Variants in GPC5 observed in about 807,000 individuals in gnomAD.
The protein encoded by GPC5 is glypican-5.
A neutral mutation model predicts 53.9 loss-of-function variants in GPC5; 47 were observed. The ratio of observed to expected loss-of-function variants is 0.87; its 90% CI spans 0.69 to 1.11. The LOEUF is 1.11. GPC5 is among the 50% of genes most tolerant of loss of function. GPC5 has a pLI of 0.00. For synonymous variants in GPC5, 286 were observed against 263.3 expected (o/e 1.09, Z -0.84); for missense variants, 748 against 713.1 (o/e 1.05, Z -0.56).
intron 1 of GPC5, among the ~76,000 whole-genome samples, chr13:91,427,107 G>A (rs1879109935): frequency 1.3e-5 from 2 of 152,206 alleles, no homozygotes; most frequent in South Asian, 4.1e-4. Context: ...AGCCCTCGTG[G>A]AGAACCTCTG....
intron 7 of GPC5, among the ~76,000 whole-genome samples, chr13:92,328,623 C>G (rs1035376794): frequency 1.3e-5 from 2 of 152,024 alleles, no homozygotes; most frequent in African/African-American, 4.8e-5. Flanking sequence ...TAAAGTAACC[C>G]CGACTAGGAG....
chr13:92,754,511 T>C (rs1464772376), intron 7 of GPC5, among the ~76,000 whole-genome samples: 2 of 151,372 alleles, frequency 1.3e-5, no homozygotes, highest in Non-Finnish European at 2.9e-5. Context: ...GACTAAATGC[T>C]CCAATTAAAA....
chr13:92,656,783 T>C (rs916867501), intron 7 of GPC5, among the ~76,000 whole-genome samples: 4 of 152,152 alleles, frequency 2.6e-5, no homozygotes, highest in Non-Finnish European at 4.4e-5. Flanking sequence ...GTGAACCCCA[T>C]TTCTACAAAA....
intron 7 of GPC5, among the ~76,000 whole-genome samples, chr13:92,820,104 A>G (rs894341584): frequency 7.9e-5 from 12 of 152,042 alleles, no homozygotes; most frequent in Non-Finnish European, 1.5e-4. Flanking sequence ...ACCCAATTTC[A>G]ATTTTGAGAG....
chr13:91,512,501 C>T (rs1359693092), intron 2 of GPC5, among the ~76,000 whole-genome samples: 1 of 152,234 alleles, frequency 6.6e-6, no homozygotes, highest in Non-Finnish European at 1.5e-5. Context: ...CTCAGCTATT[C>T]TGCCCTGCTC....
intron 6 of GPC5, among the ~76,000 whole-genome samples, chr13:91,943,118 A>G (rs539874142): frequency 6.6e-6 from 1 of 152,218 alleles, no homozygotes; most frequent in South Asian, 2.1e-4. Context: ...ACATGTTGTA[A>G]TATTGAACTC....
intron 5 of GPC5, among the ~76,000 whole-genome samples, chr13:91,811,245 A>AAT (rs1181584924): frequency 6.6e-6 from 1 of 152,086 alleles, no homozygotes; most frequent in Non-Finnish European, 1.5e-5. Flanking sequence ...GACATCTGAT[A>AAT]TATTAAGACT....
chr13:92,527,199 A>AG (rs1881356526), intron 7 of GPC5, among the ~76,000 whole-genome samples: 1 of 26,490 alleles, frequency 3.8e-5, no homozygotes, highest in African/African-American at 2.7e-4. Flanking sequence ...GAAAGAAAGA[A>AG]AGAAAGAAAG....
At chr13:92,798,192 C>G (rs1876770116) in intron 7 of GPC5, among the ~76,000 whole-genome samples, 1 of 151,798 alleles carries the variant, frequency 6.6e-6, no homozygotes. Context: ...CCGAAGCATA[C>G]TGGTTGTTTT....
chr13:92,556,916 A>T (rs752453553), intron 7 of GPC5, among the ~76,000 whole-genome samples: 38 of 152,068 alleles, frequency 2.5e-4, no homozygotes, highest in Admixed American at 3.9e-4. Flanking sequence ...TTTAAAAAGT[A>T]TTCCCCTATA....
chr13:91,414,544 G>A (rs975345369), intron 1 of GPC5, among the ~76,000 whole-genome samples: 1 of 152,178 alleles, frequency 6.6e-6, no homozygotes, highest in Non-Finnish European at 1.5e-5. Context: ...AGTGACAGCA[G>A]GCCAGTGAAG....
intron 6 of GPC5, among the ~76,000 whole-genome samples, chr13:92,075,735 G>T (rs551520160): frequency 9.9e-5 from 15 of 152,168 alleles, no homozygotes; most frequent in Admixed American, 9.8e-4. Flanking sequence ...GAGTTTAAAA[G>T]ATTGCAATCT....
intron 7 of GPC5, among the ~76,000 whole-genome samples, chr13:92,398,686 C>T (rs1349797990): frequency 1.3e-5 from 2 of 152,098 alleles, no homozygotes; most frequent in African/African-American, 2.4e-5. Flanking sequence ...TAAATACATC[C>T]AGCTAAATAT....
chr13:92,661,865 A>C (rs1483409467), intron 7 of GPC5, among the ~76,000 whole-genome samples: 1 of 152,088 alleles, frequency 6.6e-6, no homozygotes, highest in Non-Finnish European at 1.5e-5. Context: ...ACCTCTTCCT[A>C]TCTCTTCTTT....
chr13:91,443,963 A>G (rs1417951469), intron 1 of GPC5, among the ~76,000 whole-genome samples: 2 of 152,200 alleles, frequency 1.3e-5, no homozygotes, highest in Non-Finnish European at 2.9e-5. Context: ...TGTTTATCCC[A>G]TATTAGACTC....
At chr13:92,465,935 G>A (rs1437586422) in intron 7 of GPC5, among the ~76,000 whole-genome samples, 3 of 151,826 alleles carry the variant, frequency 2.0e-5, no homozygotes, top group Admixed American at 6.6e-5. Context: ...GTAGAAAGCA[G>A]AATGGTGGTT....
At chr13:92,535,399 C>T (rs1206924668) in intron 7 of GPC5, among the ~76,000 whole-genome samples, 2 of 152,038 alleles carry the variant, frequency 1.3e-5, no homozygotes, top group African/African-American at 4.8e-5. Context: ...GGCGCCGCAA[C>T]CCAGGAGACT....
At chr13:92,655,229 G>C (rs1362975643) in intron 7 of GPC5, among the ~76,000 whole-genome samples, 3 of 152,176 alleles carry the variant, frequency 2.0e-5, no homozygotes, top group Non-Finnish European at 4.4e-5. Context: ...ATAAAATACA[G>C]TACCAAATCT....
chr13:91,783,002 A>C (rs1457871565), intron 5 of GPC5, among the ~76,000 whole-genome samples: 1 of 152,072 alleles, frequency 6.6e-6, no homozygotes, highest in African/African-American at 2.4e-5. Flanking sequence ...TGAAAAAAAA[A>C]ACTTGAATTA....
Sources: allele counts gnomAD v4.1 joint callset (sites outside exome capture counted in the v4.1 genomes callset), GRCh38; gene constraint gnomAD v4.1.1; transcripts MANE v1.5; gene names NCBI Gene and HGNC (gene_info 2026-07-23, HGNC 2026-07-21).